PRRC2B: variants seen among roughly 807,000 people sequenced by gnomAD.
PRRC2B encodes proline rich coiled-coil 2B.
A neutral mutation model predicts 242.3 loss-of-function variants in PRRC2B; 68 were observed. That is an observed-to-expected ratio of 0.28 (90% confidence interval 0.23 to 0.34). The LOEUF (loss-of-function observed/expected upper bound fraction) is 0.34, where lower values mean the gene tolerates loss of function less well. Ranked by LOEUF, PRRC2B falls within the 10% of genes least tolerant of loss-of-function variation. PRRC2B has a pLI of 1.00. For synonymous variants in PRRC2B, 1,228 were observed against 1,173.6 expected, an observed-to-expected ratio of 1.05 and a Z score of -0.95; for missense variants, 2,835 against 2,954.8, an observed-to-expected ratio of 0.96 and a Z score of 0.94.
chr9:131,384,604 G>A (rs1378708387), intron 1 of PRRC2B, among the ~76,000 whole-genome samples: 1 of 151,574 alleles, frequency 6.6e-6, no homozygotes, highest in Non-Finnish European at 1.5e-5. Context: ...ATTTTTAGTA[G>A]AGATGGGGTT....
At chr9:131,427,138 C>T (rs191851288) in intron 1 of PRRC2B, among the ~76,000 whole-genome samples, 22 of 152,292 alleles carry the variant, frequency 1.4e-4, no homozygotes, top group Admixed American at 3.9e-4. Context: ...GAATTGCATG[C>T]GGATCTGTCC....
At position 131,470,233 on chromosome 9, in the gene PRRC2B, A is replaced by G. The variant is rs528151978; in HGVS notation, c.1912-555A>G. On this transcript the variant is annotated intron_variant, in intron 13 of 31. Coordinates refer to ENST00000683519, the MANE Select transcript of PRRC2B (RefSeq NM_013318.4). Reference sequence around the variant, plus strand: ...CCTCACTGTAACACCGTAGGTCACGAGTAGCCTCGTAGGATTTAGGCGTCG... The same window carrying G: ...CCTCACTGTAACACCGTAGGTCACGGGTAGCCTCGTAGGATTTAGGCGTCG... Among the ~76,000 whole-genome samples the G allele has an allele frequency of 1.5e-3, 233 of 152,306 alleles. 1 individual carries two copies. Among genetic ancestry groups the G allele is most frequent in the Middle Eastern group, 3.4e-3 (1 of 294 alleles).
At chr9:131,448,565 A>AAAAAAAAAAAAAC (rs1427752961) in intron 9 of PRRC2B, among the ~76,000 whole-genome samples, 3 of 144,226 alleles carry the variant, frequency 2.1e-5, no homozygotes, top group Non-Finnish European at 3.0e-5. Context: ...AAAAAAAAAA[A>AAAAAAAAAAAAAC]AAAAAGGAAA....
At chr9:131,387,896 A>C (rs1268631081) in intron 1 of PRRC2B, among the ~76,000 whole-genome samples, 1 of 150,912 alleles carries the variant, frequency 6.6e-6, no homozygotes, top group Non-Finnish European at 1.5e-5. Context: ...AGGCTAAATA[A>C]AATTCATTAT....
intron 11 of PRRC2B, 104 bp downstream of exon 11, chr9:131,459,460 TC>T (rs1248923930): frequency 2.0e-6 from 2 of 991,806 alleles, no homozygotes; most frequent in Admixed American, 2.9e-5. Context: ...TTTTTATATT[TC>T]TTCTTTTGTT....
At chr9:131,425,703 ATGATCTCGATCTCC>A (rs1588243762) in intron 1 of PRRC2B, among the ~76,000 whole-genome samples, 1 of 149,436 alleles carries the variant, frequency 6.7e-6, no homozygotes, top group African/African-American at 2.5e-5. Context: ...GTTAGCCAGG[ATGATCTCGATCTCC>A]TGACCTCGTG....
intron 17 of PRRC2B, 35 bp from the exon 18 acceptor site, chr9:131,478,439 G>C: frequency 6.2e-7 from 1 of 1,607,410 alleles, no homozygotes; most frequent in South Asian, 1.1e-5. Flanking sequence ...CTGGTGAGTG[G>C]AAAGACTGTT....
chr9:131,393,631 G>C (rs1836943397), upstream of PRRC2B, among the ~76,000 whole-genome samples: 1 of 152,266 alleles, frequency 6.6e-6, no homozygotes, highest in African/African-American at 2.4e-5. Context: ...TCTGTTCTGA[G>C]GCGCTGCAGT....
At chr9:131,400,608 G>T (rs551382321) in intron 1 of PRRC2B, among the ~76,000 whole-genome samples, 143 of 152,164 alleles carry the variant, frequency 9.4e-4, no homozygotes, top group African/African-American at 3.3e-3. Flanking sequence ...GTGAGCCACC[G>T]TGCCTGGACA....
intron 10 of PRRC2B, among the ~76,000 whole-genome samples, chr9:131,455,852 C>T (rs1943058720): frequency 6.6e-6 from 1 of 151,866 alleles, no homozygotes; most frequent in South Asian, 2.1e-4. Context: ...GCGGCTCGTG[C>T]TGTTAATTCC....
At chr9:131,395,217 G>A (rs1482317549) in intron 1 of PRRC2B, among the ~76,000 whole-genome samples, 1 of 151,978 alleles carries the variant, frequency 6.6e-6, no homozygotes, top group African/African-American at 2.4e-5. Context: ...TGGCTTCCTG[G>A]GAGAAATCTT....
chr9:131,439,076 G>T lies in PRRC2B; in HGVS notation c.469+15G>T. ...ACACGAAGGTGGTAAGTGCGCACGTGTGTGTGTTGTTTGGGGACGCTGGGG... is the reference window on the plus strand; with the variant it reads ...ACACGAAGGTGGTAAGTGCGCACGTTTGTGTGTTGTTTGGGGACGCTGGGG... On this transcript the variant is annotated intron_variant, in intron 5 of 31. Coordinates refer to ENST00000683519, the MANE Select transcript of PRRC2B (RefSeq NM_013318.4). 1.9e-6 allele frequency: 3 copies of T among 1,612,132 alleles called. No individual in the cohort carries two copies. Among genetic ancestry groups the T allele is most frequent in the Non-Finnish European group, 2.5e-6 (3 of 1,178,590 alleles).
In PRRC2B at chr9:131,499,354, G is replaced by A. The variant is rs1352240094; in HGVS notation, c.*3480G>A. 1.3e-5 allele frequency: 2 copies of A among 152,224 alleles called. No homozygotes were observed. Among genetic ancestry groups the A allele is most frequent in the Non-Finnish European group, 2.9e-5 (2 of 68,052 alleles). The allele number at this position is 152,224 out of a possible 1,614,324, so 9.4% of individuals were successfully genotyped here. A position where few individuals can be genotyped will look rare whatever the true frequency, so the allele number is the denominator to read the frequency against. On this transcript the variant is annotated 3_prime_UTR_variant, in exon 32 of 32. Transcript: ENST00000683519. ...GTTCCCCTGTGCCAAGTAGCTGCAGGCTGCCCCTCAAATCTTCATTTGTCC... is the reference window on the plus strand; with the variant it reads ...GTTCCCCTGTGCCAAGTAGCTGCAGACTGCCCCTCAAATCTTCATTTGTCC...
Position 131,447,719 on chromosome 9 carries a change from G to T in PRRC2B, c.1035G>T (p.Glu345Asp). 6.2e-7 allele frequency: 1 copy of T among 1,613,590 alleles called. No individual in the cohort carries two copies. The highest frequency in any genetic ancestry group is 8.5e-7 in the Non-Finnish European group (1 of 1,179,670). Reference protein sequence around the residue: ...RPLRPLRQLVERAPRPTIINA... With the variant: ...RPLRPLRQLVDRAPRPTIINA... ...TCCGCCCACTAAGGCAGCTGGTGGAGCGGGCACCACGGCCCACCATTATCA... is the reference window on the plus strand; with the variant it reads ...TCCGCCCACTAAGGCAGCTGGTGGATCGGGCACCACGGCCCACCATTATCA... Residue 345 changes from glutamate to aspartate, a missense_variant, in exon 9 of 32, where the codon GAG becomes GAT. This residue lies in a region of PRRC2B where 626 missense variants were observed against 685.5 expected (regional missense o/e 0.91). Coordinates refer to ENST00000683519, the MANE Select transcript of PRRC2B (RefSeq NM_013318.4).
At chr9:131,398,114 A>C (rs970388477) in intron 1 of PRRC2B, among the ~76,000 whole-genome samples, 1 of 152,138 alleles carries the variant, frequency 6.6e-6, no homozygotes, top group Non-Finnish European at 1.5e-5. Flanking sequence ...GTGAAATAGA[A>C]TTGTTTGTCA....
upstream of PRRC2B, among the ~76,000 whole-genome samples, chr9:131,389,364 T>G (rs1469410852): frequency 7.3e-6 from 1 of 137,202 alleles, no homozygotes; most frequent in African/African-American, 2.7e-5. Flanking sequence ...TCCATGTTGG[T>G]CAGGCTGGTC....
rs768680355 is a variant in PRRC2B, at chr9:131,476,036, C to T, written c.3907C>T (p.Arg1303Cys). The T allele has an allele frequency of 6.9e-6, 11 of 1,604,804 alleles. No homozygotes were observed. Among genetic ancestry groups the T allele is most frequent in the South Asian group, 1.1e-5 (1 of 90,708 alleles). ...AGAGAACCGGCCCTTCAGGAGAAGG[C>T]GCCCCCCACGCCAAGATAAGCCCCC... The part of the protein sequence containing the change: ...NAENRPFRRR[R>C]PPRQDKPPRF... The change falls in exon 16 of 32, where the codon CGC becomes TGC. Residue 1303 changes from arginine to cysteine, a missense_variant. By Grantham distance (180) the Arg-to-Cys change is radical. Transcript: ENST00000683519.
At chr9:131,490,614 C>A (rs1271311367) in intron 28 of PRRC2B, 1 of 518,920 alleles carries the variant, frequency 1.9e-6, no homozygotes, top group Admixed American at 1.9e-5. Flanking sequence ...GTTCCCCTGT[C>A]CTTACAGTCT....
At chr9:131,449,879 A>G (rs1189887150) in intron 9 of PRRC2B, among the ~76,000 whole-genome samples, 1 of 152,240 alleles carries the variant, frequency 6.6e-6, no homozygotes, top group Non-Finnish European at 1.5e-5. Context: ...TCTTTGATCC[A>G]CATTGGATTA....
Sources: allele counts gnomAD v4.1 joint callset (sites outside exome capture counted in the v4.1 genomes callset), GRCh38; gene constraint gnomAD v4.1.1; regional missense constraint gnomAD v4.1.1; transcripts MANE v1.5; gene names NCBI Gene and HGNC (gene_info 2026-07-23, HGNC 2026-07-21).